Variants in EMP2 observed in about 807,000 individuals in gnomAD.
EMP2 encodes the protein epithelial membrane protein 2.
EMP2 carries 19 observed loss-of-function variants against 13.7 expected under a neutral mutation model. The observed-to-expected ratio is 1.38, with a 90% CI of 0.97 to 2.03. The LOEUF (loss-of-function observed/expected upper bound fraction) is 2.03. EMP2 is among the 30% of genes most tolerant of loss of function. EMP2 has a pLI of 0.00. For missense variants in EMP2, 253 were observed against 220.7 expected, an observed-to-expected ratio of 1.15 and a Z score of -0.93; for synonymous variants, 97 against 84.7, an observed-to-expected ratio of 1.15 and a Z score of -0.80.
intron 1 of EMP2, among the ~76,000 whole-genome samples, chr16:10,548,697 GAAATAA>G (rs1262166938): frequency 6.6e-6 from 1 of 151,368 alleles, no homozygotes; most frequent in Non-Finnish European, 1.5e-5. Flanking sequence ...ACATCTCAAA[GAAATAA>G]AAATAAAAAT....
In EMP2 at chr16:10,531,779, GAATGAAT is replaced by G. The variant is rs2050605087; in HGVS notation, c.*1119_*1125del. On this transcript the variant is annotated 3_prime_UTR_variant, in exon 5 of 5. Coordinates refer to ENST00000359543, the MANE Select transcript of EMP2 (RefSeq NM_001424.6). ...TGAATGAATGAATGAATGAATGAAT[GAATGAAT>G]GAATGGTGGATGGGTCCTCTGAGGC... is the stretch of plus-strand genomic sequence containing the variant. 6.5e-6 allele frequency: 1 copy of G among 154,602 alleles called. No homozygotes were observed. The highest frequency in any genetic ancestry group is 2.4e-5 in the African/African-American group (1 of 41,486). 9.6% of individuals were successfully genotyped at this position (154,602 alleles called of 1,614,324 possible).
chr16:10,569,836 T>C lies in EMP2; in HGVS notation c.-61+10713A>G, dbSNP rs1168878737. 3.3e-5 allele frequency among the ~76,000 whole-genome samples: 5 copies of C among 152,306 alleles called. No individual in the cohort carries two copies. The East Asian group carries it at 9.7e-4, about 29-fold the overall frequency. On this transcript the variant is annotated intron_variant, in intron 1 of 4. Coordinates refer to ENST00000359543, the MANE Select transcript of EMP2 (RefSeq NM_001424.6). ...CTCTCAGGCTCTGGTCTGGGAAGAATGTGACCCCATGTCACACTGGTATAA... is the reference window on the plus strand; with the variant it reads ...CTCTCAGGCTCTGGTCTGGGAAGAACGTGACCCCATGTCACACTGGTATAA...
At chr16:10,534,042 G>A (rs971703320) in intron 4 of EMP2, among the ~76,000 whole-genome samples, 2 of 151,792 alleles carry the variant, frequency 1.3e-5, no homozygotes, top group African/African-American at 2.4e-5. Context: ...TTTAACTCAC[G>A]AGGCAGAGGT....
At chr16:10,547,317 T>C (rs2142182511) in intron 2 of EMP2, 1 of 519,112 alleles carries the variant, frequency 1.9e-6, no homozygotes, top group Non-Finnish European at 3.4e-6. Flanking sequence ...CTGCACACGC[T>C]CTCTTGCCTG....
At chr16:10,557,372 A>C (rs2050838516) in intron 1 of EMP2, among the ~76,000 whole-genome samples, 1 of 150,172 alleles carries the variant, frequency 6.7e-6, no homozygotes, top group African/African-American at 2.4e-5. Context: ...AAAAAAAAAA[A>C]CCCAGAAAAC....
At chr16:10,553,256 G>A (rs1427800057) in intron 1 of EMP2, among the ~76,000 whole-genome samples, 2 of 152,162 alleles carry the variant, frequency 1.3e-5, no homozygotes, top group East Asian at 1.9e-4. Context: ...CCCTCTTAGA[G>A]GCAACCACGC....
At chr16:10,575,782 G>A (rs1256960803) in intron 1 of EMP2, among the ~76,000 whole-genome samples, 1 of 152,038 alleles carries the variant, frequency 6.6e-6, no homozygotes, top group South Asian at 2.1e-4. Context: ...CTGATCCACA[G>A]ACAGCTGGCA....
At chr16:10,549,336 G>A (rs778257287) in intron 1 of EMP2, among the ~76,000 whole-genome samples, 4 of 152,222 alleles carry the variant, frequency 2.6e-5, no homozygotes, top group Non-Finnish European at 4.4e-5. Flanking sequence ...ATGAATACAT[G>A]AGGACTTGTC....
At chr16:10,537,787 C>T in intron 4 of EMP2, 141 bp downstream of exon 4, 1 of 1,034,208 alleles carries the variant, frequency 9.7e-7, no homozygotes, top group Non-Finnish European at 1.4e-6. Flanking sequence ...CACACGCAAA[C>T]ACACACCGGC....
chr16:10,548,091 A>G (rs79895709), intron 1 of EMP2, among the ~76,000 whole-genome samples: 7,064 of 152,242 alleles, frequency 0.046, 222 homozygotes, highest in African/African-American at 0.076. Flanking sequence ...AGTGCTCCCC[A>G]TCTTTACTCG....
intron 1 of EMP2, chr16:10,576,681 C>G (rs1302737247): frequency 1.3e-5 from 2 of 152,156 alleles, no homozygotes; most frequent in Admixed American, 6.5e-5. Flanking sequence ...TCCTCAGTCC[C>G]TTTTAGATCA....
intron 3 of EMP2, among the ~76,000 whole-genome samples, chr16:10,538,990 T>C (rs890355966): frequency 1.3e-5 from 2 of 151,848 alleles, no homozygotes; most frequent in Non-Finnish European, 2.9e-5. Context: ...AAAATTTTTG[T>C]AGGGATGGAG....
chr16:10,549,883 CTTTTTT>C (rs59259895), intron 1 of EMP2, among the ~76,000 whole-genome samples: 2 of 112,272 alleles, frequency 1.8e-5, no homozygotes, highest in Non-Finnish European at 3.5e-5. Flanking sequence ...TTTTCTTTTT[CTTTTTT>C]TTTTTTTTTT....
chr16:10,578,710 G>A lies in EMP2; in HGVS notation c.-61+1839C>T, dbSNP rs1219597710. Among the ~76,000 whole-genome samples the A allele has an allele frequency of 2.0e-5, 3 of 152,226 alleles. No individual in the cohort carries two copies. The East Asian group carries it at 5.8e-4, about 29-fold the overall frequency. On this transcript the variant is annotated intron_variant, in intron 1 of 4. Transcript: ENST00000359543. ...GCGCACCTCAATCTCTCCACTTGAG[G>A]GGCAGAGGAGGCTCCAGGCTATGTG... is the stretch of plus-strand genomic sequence containing the variant.
chr16:10,539,481 G>T (rs113423280), intron 3 of EMP2, among the ~76,000 whole-genome samples: 2 of 152,234 alleles, frequency 1.3e-5, no homozygotes, highest in African/African-American at 4.8e-5. Context: ...ATTCCCATGA[G>T]GCCCAGGAAC....
At chr16:10,564,996 A>G (rs1352217364) in intron 1 of EMP2, among the ~76,000 whole-genome samples, 2 of 152,198 alleles carry the variant, frequency 1.3e-5, no homozygotes, top group Non-Finnish European at 2.9e-5. Flanking sequence ...TGAAAACAAA[A>G]CATTGTTATT....
rs908654241 is a variant in EMP2 at position 10,575,381 on chromosome 16, G to C, written c.-61+5168C>G. ...CCATTTTCCTGCCTCAGCCTCCCAA[G>C]TAGCTGGGACTACAGGCGCCCGCCA... is the stretch of plus-strand genomic sequence containing the variant. On this transcript the variant is annotated intron_variant, in intron 1 of 4. Coordinates refer to ENST00000359543, the MANE Select transcript of EMP2 (RefSeq NM_001424.6). 2.0e-5 allele frequency among the ~76,000 whole-genome samples: 3 copies of C among 150,052 alleles called. No individual in the cohort carries two copies. In the Admixed American group the frequency reaches 2.0e-4, roughly 10 times the overall value.
intron 1 of EMP2, among the ~76,000 whole-genome samples, chr16:10,566,714 C>T (rs1345264573): frequency 2.6e-5 from 4 of 152,182 alleles, no homozygotes; most frequent in South Asian, 2.1e-4. Context: ...AGAGGTGGGG[C>T]GTGTGTGTCA....
intron 1 of EMP2, among the ~76,000 whole-genome samples, chr16:10,566,109 G>A (rs912455705): frequency 1.3e-5 from 2 of 152,108 alleles, no homozygotes; most frequent in African/African-American, 4.8e-5. Flanking sequence ...CCTCACCATT[G>A]CCAAGACCAC....
Sources: gnomAD v4.1 joint callset for allele counts (sites outside exome capture counted in the v4.1 genomes callset) on GRCh38, gnomAD v4.1.1 for gene constraint, MANE v1.5 for transcripts, NCBI Gene and HGNC (gene_info 2026-07-23, HGNC 2026-07-21) for gene names.